CAMTA1: variants seen among roughly 807,000 people sequenced by gnomAD.
The protein encoded by CAMTA1 is calmodulin-binding transcription activator 1.
Under a neutral mutation model 170.9 loss-of-function variants are expected in CAMTA1, and 27 were observed. The ratio of observed to expected loss-of-function variants is 0.16; its 90% CI spans 0.12 to 0.22. CAMTA1 has a LOEUF of 0.22. CAMTA1 is among the 10% of genes least tolerant of loss of function. The probability of loss-of-function intolerance (pLI) is 1.00; values close to 1 mark genes in which losing one functional copy is unlikely to be tolerated. For synonymous variants in CAMTA1, 833 were observed against 891.5 expected, an observed-to-expected ratio of 0.93 and a Z score of 1.17; for missense variants, 1,619 against 2,217.2, an observed-to-expected ratio of 0.73 and a Z score of 5.42.
intron 6 of CAMTA1, among the ~76,000 whole-genome samples, chr1:7,581,209 A>G (rs1021165367): frequency 3.9e-5 from 6 of 152,168 alleles, no homozygotes; most frequent in Admixed American, 3.3e-4. Flanking sequence ...CAGCCCCAAG[A>G]TAGGAAGTTT....
At chr1:7,692,397 C>G (rs1487091557) in intron 11 of CAMTA1, among the ~76,000 whole-genome samples, 1 of 152,104 alleles carries the variant, frequency 6.6e-6, no homozygotes, top group Non-Finnish European at 1.5e-5. Flanking sequence ...GTTTCTCAGG[C>G]CGGTCCTTGG....
intron 11 of CAMTA1, among the ~76,000 whole-genome samples, chr1:7,719,971 G>A (rs1437778033): frequency 2.6e-5 from 4 of 152,198 alleles, no homozygotes; most frequent in South Asian, 2.1e-4. Context: ...TACAAATAAC[G>A]TGTTTTAAAA....
At chr1:6,995,284 T>A (rs921966887) in intron 3 of CAMTA1, among the ~76,000 whole-genome samples, 1 of 143,300 alleles carries the variant, frequency 7.0e-6, no homozygotes, top group African/African-American at 2.7e-5. Flanking sequence ...TTAAAATCTT[T>A]TTTTTCTTTT....
At chr1:6,960,989 T>C (rs1336626868) in intron 3 of CAMTA1, among the ~76,000 whole-genome samples, 1 of 152,178 alleles carries the variant, frequency 6.6e-6, no homozygotes, top group Admixed American at 6.5e-5. Flanking sequence ...ATCATACATC[T>C]GGTAAGTGGT....
intron 5 of CAMTA1, among the ~76,000 whole-genome samples, chr1:7,449,418 C>T (rs974209275): frequency 2.6e-5 from 4 of 152,152 alleles, no homozygotes; most frequent in Non-Finnish European, 5.9e-5. Context: ...GTGTGGGATC[C>T]AGGAGTCAGA....
chr1:7,386,896 G>T (rs114873015), intron 5 of CAMTA1, among the ~76,000 whole-genome samples: 5,671 of 152,250 alleles, frequency 0.037, 142 homozygotes, highest in Non-Finnish European at 0.06. Flanking sequence ...CCATCTCACG[G>T]CAGTCTCCGC....
rs1243765611 is a variant in CAMTA1, at chr1:6,887,008, G to T, written c.234+61798G>T. Among the ~76,000 whole-genome samples, 1 of 152,132 alleles carries T rather than the reference G, an allele frequency of 6.6e-6. No individual in the cohort carries two copies. The highest frequency in any genetic ancestry group is 2.4e-5 in the African/African-American group (1 of 41,424). ...GAAACTGGCCCAGGAAGTAACAATGGGAAGTGCTGGAAATGGAATTTAAGA... is the reference window on the plus strand; with the variant it reads ...GAAACTGGCCCAGGAAGTAACAATGTGAAGTGCTGGAAATGGAATTTAAGA... On this transcript the variant is annotated intron_variant, in intron 3 of 22. Coordinates refer to ENST00000303635, the MANE Select transcript of CAMTA1 (RefSeq NM_015215.4). The surrounding 1 kb of genome is among the most constrained non-coding windows in gnomAD (Gnocchi z 4.1).
chr1:6,951,781 T>C (rs1688533470), intron 3 of CAMTA1, among the ~76,000 whole-genome samples: 1 of 152,178 alleles, frequency 6.6e-6, no homozygotes, highest in East Asian at 1.9e-4. Flanking sequence ...CTGCTGAGGC[T>C]GGAGCAGAGA....
chr1:7,430,171 T>C (rs2092086549), intron 5 of CAMTA1, among the ~76,000 whole-genome samples: 1 of 150,504 alleles, frequency 6.6e-6, no homozygotes, highest in Non-Finnish European at 1.5e-5. Flanking sequence ...ATGGTGATGA[T>C]GACGATGGCA....
chr1:7,417,830 C>G (rs555503723), intron 5 of CAMTA1, among the ~76,000 whole-genome samples: 26 of 152,306 alleles, frequency 1.7e-4, no homozygotes, highest in African/African-American at 6.0e-4. Flanking sequence ...CCTGGTACCT[C>G]AGATAGAAAT....
chr1:7,211,277 A>T (rs2149070376), intron 4 of CAMTA1, among the ~76,000 whole-genome samples: 1 of 152,372 alleles, frequency 6.6e-6, no homozygotes, highest in Non-Finnish European at 1.5e-5. Flanking sequence ...CAAGGTACAC[A>T]TAGTAAGTGT....
rs147704052 is a variant in CAMTA1 at position 7,610,267 on chromosome 1, G to A, written c.511-30133G>A. On this transcript the variant is annotated intron_variant, in intron 6 of 22. Transcript: ENST00000303635. ...CAGCGAGAAGAGCTGGGATATCTGG[G>A]TCCTGTTCTGTCCCTGTGTCCCCAA... Among the ~76,000 whole-genome samples the A allele has an allele frequency of 1.0e-3, 152 of 152,304 alleles. 1 individual carries two copies. The highest frequency in any genetic ancestry group is 3.6e-3 in the African/African-American group (148 of 41,562).
chr1:6,926,003 AG>A (rs1315767595), intron 3 of CAMTA1, among the ~76,000 whole-genome samples: 3 of 152,188 alleles, frequency 2.0e-5, no homozygotes, highest in Non-Finnish European at 4.4e-5. Context: ...TCTAAGTCAC[AG>A]CCACCACTAC....
rs1239296166 is a variant in CAMTA1 at position 7,205,382 on chromosome 1, C to T, written c.303-44109C>T. Reference sequence around the variant, plus strand: ...CCTCCCAAAGTGTTGAGATTACAGACGTGAGCCACCATGCCCGGCCTCCAA... The same window carrying T: ...CCTCCCAAAGTGTTGAGATTACAGATGTGAGCCACCATGCCCGGCCTCCAA... On this transcript the variant is annotated intron_variant, in intron 4 of 22. Coordinates refer to ENST00000303635, the MANE Select transcript of CAMTA1 (RefSeq NM_015215.4). 2.0e-5 allele frequency among the ~76,000 whole-genome samples: 3 copies of T among 152,298 alleles called. No homozygotes were observed. In the East Asian group the frequency reaches 5.8e-4, roughly 29 times the overall value.
chr1:7,246,064 G>A (rs1248741904), intron 4 of CAMTA1, among the ~76,000 whole-genome samples: 1 of 152,152 alleles, frequency 6.6e-6, no homozygotes, highest in Non-Finnish European at 1.5e-5. Context: ...TGAAATCCCT[G>A]TCTATCGGGT....
chr1:7,002,895 G>A (rs6682302), intron 3 of CAMTA1, among the ~76,000 whole-genome samples: 2,810 of 152,138 alleles, frequency 0.018, 42 homozygotes, highest in African/African-American at 0.036. Flanking sequence ...CTCCCTAAGC[G>A]CTCCCCAAAC....
At chr1:7,276,303 ATTTTT>A (rs1180773965) in intron 5 of CAMTA1, among the ~76,000 whole-genome samples, 9 of 24,208 alleles carry the variant, frequency 3.7e-4, no homozygotes, top group Non-Finnish European at 5.5e-4. Flanking sequence ...ATATATATAT[ATTTTT>A]TTTTTTTTTT....
intron 3 of CAMTA1, among the ~76,000 whole-genome samples, chr1:7,053,500 T>A (rs1363449008): frequency 6.6e-6 from 1 of 152,196 alleles, no homozygotes; most frequent in Non-Finnish European, 1.5e-5. Context: ...GAGCGTCAGA[T>A]CATGGCACGT....
intron 5 of CAMTA1, among the ~76,000 whole-genome samples, chr1:7,378,993 G>C (rs2087065542): frequency 6.6e-6 from 1 of 152,196 alleles, no homozygotes; most frequent in South Asian, 2.1e-4. Flanking sequence ...TGGCCTGACA[G>C]TGGCCTGTGC....
Sources: gnomAD v4.1 joint callset for allele counts (sites outside exome capture counted in the v4.1 genomes callset) on GRCh38, gnomAD v4.1.1 for gene constraint, Gnocchi (gnomAD v3.1) non-coding constraint, MANE v1.5 for transcripts, NCBI Gene and HGNC (gene_info 2026-07-23, HGNC 2026-07-21) for gene names.